ARSJ: variants seen among roughly 807,000 people sequenced by gnomAD.
The protein encoded by ARSJ is arylsulfatase family member J.
In ARSJ, 26 loss-of-function variants were observed where a neutral mutation model predicts 35.9. That is an observed-to-expected ratio of 0.72 (90% CI 0.53 to 1.00). ARSJ has a LOEUF of 1.00. Ranked by LOEUF, ARSJ falls within the 50% of genes least tolerant of loss-of-function variation. The probability of loss-of-function intolerance (pLI) is 0.00; values close to 1 mark genes in which losing one functional copy is unlikely to be tolerated. For missense variants in ARSJ, 667 were observed against 723.6 expected (o/e 0.92, Z 0.90); for synonymous variants, 294 against 267.6 (o/e 1.10, Z -0.96).
intron 1 of ARSJ, among the ~76,000 whole-genome samples, chr4:113,952,070 T>C: frequency 6.6e-6 from 1 of 152,068 alleles, no homozygotes; most frequent in African/African-American, 2.4e-5. Flanking sequence ...TCTTTTTCAT[T>C]TTTTAAGAGA....
chr4:113,962,483 C>CTT (rs35398076), intron 1 of ARSJ, among the ~76,000 whole-genome samples: 132 of 139,438 alleles, frequency 9.5e-4, no homozygotes, highest in South Asian at 1.6e-3. Context: ...GAGCAGGCAC[C>CTT]TTTTTTTTTT....
chr4:113,947,664 C>T (rs1473644602), intron 1 of ARSJ, among the ~76,000 whole-genome samples: 1 of 151,570 alleles, frequency 6.6e-6, no homozygotes, highest in Non-Finnish European at 1.5e-5. Flanking sequence ...TGAAAAATAA[C>T]TTTTATCTTC....
chr4:113,953,460 T>C (rs1725983803), intron 1 of ARSJ, among the ~76,000 whole-genome samples: 1 of 152,120 alleles, frequency 6.6e-6, no homozygotes, highest in African/African-American at 2.4e-5. Flanking sequence ...AAATGAATAC[T>C]TTGTAAACAT....
chr4:113,967,435 A>G (rs1357106258), intron 1 of ARSJ, among the ~76,000 whole-genome samples: 4 of 152,154 alleles, frequency 2.6e-5, no homozygotes, highest in African/African-American at 9.7e-5. Flanking sequence ...TATGCCAGGT[A>G]ATGCTCTATG....
At position 113,978,493 on chromosome 4, in the gene ARSJ, C is replaced by T. The variant is rs747690605; in HGVS notation, c.342G>A (p.Glu114=). Residue 114 remains glutamate (E), a synonymous_variant, in exon 1 of 2, where the codon GAG becomes GAA. Coordinates refer to ENST00000315366, the MANE Select transcript of ARSJ (RefSeq NM_024590.4). ...TGCAAATAGGCTGGACATAGTAGTTCTCCAGTTTAACTCCTTCGGCAGCGA... is the reference window on the plus strand; with the variant it reads ...TGCAAATAGGCTGGACATAGTAGTTTTCCAGTTTAACTCCTTCGGCAGCGA... ...DKLAAEGVKL[E]NYYVQPICTP... is the part of the protein sequence containing the mutation. 1.9e-6 allele frequency: 3 copies of T among 1,614,090 alleles called. No homozygotes were observed. The highest frequency in any genetic ancestry group is 2.5e-6 in the Non-Finnish European group (3 of 1,179,932).
At position 113,979,114 on chromosome 4, in the gene ARSJ, A is replaced by G. The variant is rs28743132; in HGVS notation, c.-280T>C. ...GCAGCTTCCACCAAGGAAAAAAAAA[A>G]GAAAAAAGTTAATATCTCCACCCAA... On this transcript the variant is annotated 5_prime_UTR_variant, in exon 1 of 2. Coordinates refer to ENST00000315366, the MANE Select transcript of ARSJ (RefSeq NM_024590.4). The G allele has an allele frequency of 0.025, 8,497 of 336,154 alleles. 578 individuals are homozygous for G. Among genetic ancestry groups the G allele is most frequent in the African/African-American group, 0.15 (6,979 of 47,162 alleles). 20.8% of individuals were successfully genotyped at this position (336,154 alleles called of 1,614,324 possible).
chr4:113,921,117 A>ACACACACACACT (rs70961862), intron 1 of ARSJ, among the ~76,000 whole-genome samples: 117 of 149,400 alleles, frequency 7.8e-4, no homozygotes, highest in Middle Eastern at 3.4e-3. Context: ...ACACACACAC[A>ACACACACACACT]CTTTAAATAA....
chr4:113,920,762 A>G (rs1723621508), intron 1 of ARSJ, among the ~76,000 whole-genome samples: 1 of 152,152 alleles, frequency 6.6e-6, no homozygotes, highest in African/African-American at 2.4e-5. Flanking sequence ...GTCAACTATG[A>G]GAAAGTCAGT....
chr4:113,908,064 T>G (rs541712001), intron 1 of ARSJ, among the ~76,000 whole-genome samples: 1 of 152,100 alleles, frequency 6.6e-6, no homozygotes, highest in East Asian at 1.9e-4. Flanking sequence ...GTAACAAAAC[T>G]GCACGTAAAC....
At chr4:113,928,165 G>A (rs886958701) in intron 1 of ARSJ, among the ~76,000 whole-genome samples, 1 of 152,098 alleles carries the variant, frequency 6.6e-6, no homozygotes, top group African/African-American at 2.4e-5. Flanking sequence ...GGGTTCCCTG[G>A]AATTAATGTC....
intron 1 of ARSJ, among the ~76,000 whole-genome samples, chr4:113,957,558 A>G (rs1726261988): frequency 6.6e-6 from 1 of 152,096 alleles, no homozygotes; most frequent in African/African-American, 2.4e-5. Flanking sequence ...TTTCCAGGAT[A>G]GAACATTAAA....
intron 1 of ARSJ, among the ~76,000 whole-genome samples, chr4:113,936,391 T>C (rs1435275135): frequency 6.6e-6 from 1 of 151,924 alleles, no homozygotes; most frequent in Non-Finnish European, 1.5e-5. Context: ...TGAAAAATTA[T>C]AGATTTTGTT....
intron 1 of ARSJ, among the ~76,000 whole-genome samples, chr4:113,938,690 C>A (rs1724925124): frequency 6.6e-6 from 1 of 151,524 alleles, no homozygotes; most frequent in Admixed American, 6.6e-5. Context: ...ACAGACCTAT[C>A]CAGAATATAC....
intron 1 of ARSJ, among the ~76,000 whole-genome samples, chr4:113,930,949 C>T (rs1724404311): frequency 6.6e-6 from 1 of 150,728 alleles, no homozygotes; most frequent in Non-Finnish European, 1.5e-5. Context: ...ACCGCATATT[C>T]TCACTCATAG....
At chr4:113,936,822 T>TA (rs1269353516) in intron 1 of ARSJ, among the ~76,000 whole-genome samples, 1 of 151,772 alleles carries the variant, frequency 6.6e-6, no homozygotes, top group Non-Finnish European at 1.5e-5. Context: ...AGCAAAACAT[T>TA]AAAAAAATCA....
intron 1 of ARSJ, among the ~76,000 whole-genome samples, chr4:113,927,441 G>A (rs1453919674): frequency 2.0e-5 from 3 of 152,144 alleles, no homozygotes; most frequent in Non-Finnish European, 4.4e-5. Context: ...GTGATATCTT[G>A]CAGAAGCAAG....
At chr4:113,965,931 G>A (rs1030012926) in intron 1 of ARSJ, among the ~76,000 whole-genome samples, 3 of 152,012 alleles carry the variant, frequency 2.0e-5, no homozygotes, top group African/African-American at 7.2e-5. Flanking sequence ...AGAACCTGGT[G>A]TGTTCAAAGG....
chr4:113,911,456 G>A (rs28621386), intron 1 of ARSJ, among the ~76,000 whole-genome samples: 2,384 of 152,264 alleles, frequency 0.016, 58 homozygotes, highest in African/African-American at 0.054. Flanking sequence ...ACCTAGGCAG[G>A]GAGAAGTGGC....
rs117226170 is a variant in ARSJ, at chr4:113,972,237, C to T, written c.398+6200G>A. Among the ~76,000 whole-genome samples the T allele has an allele frequency of 0.013, 1,795 of 135,468 alleles. 109 individuals carry two copies. In the East Asian group the frequency reaches 0.17, roughly 13 times the overall value. 88.9% of individuals were successfully genotyped at this position (135,468 alleles called of 152,430 possible). A position where few individuals can be genotyped will look rare whatever the true frequency, so the allele number is the denominator to read the frequency against. On this transcript the variant is annotated intron_variant, in intron 1 of 1. Transcript: ENST00000315366. ...CTGACAAGGCCCAGCTGAGGCAATTCCAGGAAGAGGCTATAATTAAAACCA... is the reference window on the plus strand; with the variant it reads ...CTGACAAGGCCCAGCTGAGGCAATTTCAGGAAGAGGCTATAATTAAAACCA...
Sources: allele counts gnomAD v4.1 joint callset (sites outside exome capture counted in the v4.1 genomes callset), GRCh38; gene constraint gnomAD v4.1.1; transcripts MANE v1.5; gene names NCBI Gene and HGNC (gene_info 2026-07-23, HGNC 2026-07-21).